IPO5: variants seen among roughly 807,000 people sequenced by gnomAD.
The protein encoded by IPO5 is importin-5.
A neutral mutation model predicts 143.3 loss-of-function variants in IPO5; 18 were observed. The ratio of observed to expected loss-of-function variants is 0.13; its 90% CI spans 0.09 to 0.19. The LOEUF is 0.19. IPO5 is among the 10% of genes least tolerant of loss of function. The pLI is 1.00. For missense variants in IPO5, 1,013 were observed against 1,336.9 expected (o/e 0.76, Z 3.78); for synonymous variants, 477 against 465.7 (o/e 1.02, Z -0.31).
intron 11 of IPO5, among the ~76,000 whole-genome samples, chr13:97,996,099 C>A (rs770083348): frequency 3.0e-4 from 45 of 152,052 alleles, no homozygotes; most frequent in Non-Finnish European, 1.0e-4. Context: ...TTGCTTTTTT[C>A]TTCTTTAAGA....
intron 9 of IPO5, among the ~76,000 whole-genome samples, chr13:97,991,719 T>C (rs773003469): frequency 1.3e-5 from 2 of 152,200 alleles, no homozygotes; most frequent in Non-Finnish European, 2.9e-5. Context: ...TCTTGATTGA[T>C]ACAGTAGTTA....
At chr13:97,968,299 C>T (rs920940431) in intron 2 of IPO5, among the ~76,000 whole-genome samples, 1 of 152,220 alleles carries the variant, frequency 6.6e-6, no homozygotes, top group African/African-American at 2.4e-5. Context: ...TACAGCCTAA[C>T]ATATGGTCTA....
intron 24 of IPO5, 108 bp from the exon 25 acceptor site, chr13:98,016,621 T>G (rs1566569480): frequency 1.7e-6 from 1 of 580,194 alleles, no homozygotes; most frequent in Non-Finnish European, 2.7e-6. Flanking sequence ...AAAACAGGAA[T>G]GAGAAATTGA....
intron 13 of IPO5, chr13:98,002,007 G>A (rs1888834913): frequency 6.6e-6 from 1 of 151,452 alleles, no homozygotes; most frequent in African/African-American, 2.4e-5. Flanking sequence ...TGTTTTTTTT[G>A]TTTGTTTGTT....
At chr13:98,010,778 TC>T (rs1278526608) in intron 20 of IPO5, among the ~76,000 whole-genome samples, 1 of 128,336 alleles carries the variant, frequency 7.8e-6, no homozygotes, top group Admixed American at 7.6e-5. Context: ...TGAAGGATAA[TC>T]CTTTTTTTTT....
chr13:97,970,906 A>G (rs2139559668), intron 3 of IPO5, among the ~76,000 whole-genome samples: 1 of 152,368 alleles, frequency 6.6e-6, no homozygotes, highest in African/African-American at 2.4e-5. Flanking sequence ...TAGAGGTTGC[A>G]ATCTGTATTA....
intron 2 of IPO5, among the ~76,000 whole-genome samples, chr13:97,956,914 T>C (rs1338338420): frequency 6.6e-6 from 1 of 152,218 alleles, no homozygotes; most frequent in Non-Finnish European, 1.5e-5. Context: ...AATGTAGCTA[T>C]GTTTCAAGAG....
rs1305786299 is a variant in IPO5, at chr13:97,986,358, A to AT, written c.364+746dup. ...TTACGTAGCTATACTATGTATATAT[A>AT]TATTTTTTTTTTTTGAGACGGAGTT... On this transcript the variant is annotated intron_variant, in intron 6 of 28. Transcript: ENST00000651721. Among the ~76,000 whole-genome samples, 159 of 148,472 alleles carry AT rather than the reference A, an allele frequency of 1.1e-3. 2 individuals are homozygous for AT. The East Asian group carries it at 0.016, about 15-fold the overall frequency.
intron 2 of IPO5, among the ~76,000 whole-genome samples, chr13:97,966,842 CA>C (rs964012434): frequency 3.0e-4 from 45 of 152,228 alleles, no homozygotes; most frequent in African/African-American, 1.1e-3. Flanking sequence ...AGTTCAAGAC[CA>C]ACCTGACTAC....
chr13:97,964,728 C>T (rs540872128), intron 2 of IPO5, among the ~76,000 whole-genome samples: 33 of 152,090 alleles, frequency 2.2e-4, no homozygotes, highest in Middle Eastern at 3.4e-3. Flanking sequence ...GGATTACAGG[C>T]GTGAGCCACC....
chr13:97,966,958 C>T (rs1380608611), intron 2 of IPO5, among the ~76,000 whole-genome samples: 1 of 152,102 alleles, frequency 6.6e-6, no homozygotes, highest in Non-Finnish European at 1.5e-5. Context: ...ATTGCTTGAA[C>T]CAGGGAGGCG....
At chr13:97,972,414 G>A (rs969824974) in intron 3 of IPO5, among the ~76,000 whole-genome samples, 2 of 152,168 alleles carry the variant, frequency 1.3e-5, no homozygotes, top group Non-Finnish European at 2.9e-5. Context: ...TAAGGAGCCT[G>A]GTCTCCTGCA....
Position 98,002,881 on chromosome 13 carries a change from G to A in IPO5, c.1341G>A (p.Leu447=), listed in dbSNP as rs908783576. 2.5e-6 allele frequency: 4 copies of A among 1,612,490 alleles called. No individual in the cohort carries two copies. The highest frequency in any genetic ancestry group is 2.7e-5 in the African/African-American group (2 of 74,998). The stretch of plus-strand genomic sequence containing the variant: ...TTTCACAGGTGATTGCAGCTCTGCT[G>A]CAGACCATGGAAGACCAAGGCAATC... ...KFHEKVIAAL[L]QTMEDQGNQR... Residue 447 remains leucine, a synonymous_variant, in exon 16 of 29, where the codon CTG becomes CTA. Transcript: ENST00000651721.
intron 5 of IPO5, 109 bp downstream of exon 5, chr13:97,982,692 A>G: frequency 1.4e-6 from 1 of 732,696 alleles, no homozygotes; most frequent in East Asian, 2.7e-5. Flanking sequence ...CATAGACTTT[A>G]CTAGAACTTT....
At chr13:97,974,761 T>C (rs1031580399) in intron 3 of IPO5, among the ~76,000 whole-genome samples, 2 of 147,634 alleles carry the variant, frequency 1.4e-5, no homozygotes, top group Non-Finnish European at 3.0e-5. Context: ...CTAGAAGAAA[T>C]AACGTGGCAT....
chr13:98,012,358 T>C lies in IPO5; in HGVS notation c.2152+16T>C. ...TTCCACGATGATATCCTACAACTTC[T>C]GAATACAAAACATGTCTAGATTTAG... On this transcript the variant is annotated intron_variant, in intron 21 of 28. Coordinates refer to ENST00000651721, the MANE Select transcript of IPO5 (RefSeq NM_002271.6). 7.2e-7 allele frequency: 1 copy of C among 1,390,896 alleles called. No individual in the cohort carries two copies. The highest frequency in any genetic ancestry group is 1.0e-6 in the Non-Finnish European group (1 of 976,426). 86.2% of individuals were successfully genotyped at this position (1,390,896 alleles called of 1,614,324 possible). A position where few individuals can be genotyped will look rare whatever the true frequency, so the allele number is the denominator to read the frequency against.
chr13:97,969,869 T>C (rs1420507292), intron 3 of IPO5, 39 bp downstream of exon 3: 2 of 1,539,438 alleles, frequency 1.3e-6, no homozygotes, highest in South Asian at 2.3e-5. Context: ...CTTCCTGTTT[T>C]GTTTTTTTTA....
rs78784854 is a variant in IPO5 at position 98,003,126 on chromosome 13, A to G, written c.1497+89A>G. The G allele has an allele frequency of 3.4e-3, 3,269 of 959,038 alleles. 66 individuals carry two copies. In the African/African-American group the frequency reaches 0.048, roughly 14 times the overall value. The allele number at this position is 959,038 out of a possible 1,614,324, so 59.4% of individuals were successfully genotyped here. ...AAGAACTGGAGAAAGAGGGACTTGC[A>G]GCATGACCATAAAGAATATAAAGTA... On this transcript the variant is annotated intron_variant, in intron 16 of 28. Transcript: ENST00000651721.
intron 3 of IPO5, chr13:97,975,715 T>C (rs1323394372): frequency 6.5e-6 from 1 of 153,226 alleles, no homozygotes; most frequent in Non-Finnish European, 1.5e-5. Context: ...GGTGTCTCTC[T>C]TGACGTTCCC....
Sources: gnomAD v4.1 joint callset for allele counts (sites outside exome capture counted in the v4.1 genomes callset) on GRCh38, gnomAD v4.1.1 for gene constraint, MANE v1.5 for transcripts, NCBI Gene and HGNC (gene_info 2026-07-23, HGNC 2026-07-21) for gene names.